CCDC178: variants seen among roughly 807,000 people sequenced by gnomAD.
CCDC178 encodes the protein coiled-coil domain-containing protein 178.
A neutral mutation model predicts 117.4 loss-of-function variants in CCDC178; 126 were observed. The observed-to-expected ratio is 1.07, with a 90% CI of 0.93 to 1.24. CCDC178 has a LOEUF of 1.24. Among genes scored for constraint, CCDC178 ranks in the 50% most tolerant of loss-of-function variants. The pLI, the probability that CCDC178 is intolerant of heterozygous loss-of-function variation, is 0.00. For synonymous variants in CCDC178, 283 were observed against 313.4 expected, an observed-to-expected ratio of 0.90 and a Z score of 1.02; for missense variants, 1,030 against 986.9, an observed-to-expected ratio of 1.04 and a Z score of -0.59.
chr18:33,313,174 T>C (rs2062365786), intron 11 of CCDC178, among the ~76,000 whole-genome samples: 1 of 152,200 alleles, frequency 6.6e-6, no homozygotes, highest in African/African-American at 2.4e-5. Flanking sequence ...TATTCCATCT[T>C]ACATGCACAT....
intron 20 of CCDC178, among the ~76,000 whole-genome samples, chr18:33,165,107 T>C (rs1030737198): frequency 3.9e-5 from 6 of 152,232 alleles, no homozygotes; most frequent in Non-Finnish European, 8.8e-5. Context: ...ACAATACTTT[T>C]GATACACTTG....
intron 21 of CCDC178, among the ~76,000 whole-genome samples, chr18:32,996,005 C>G (rs897597357): frequency 6.6e-6 from 1 of 151,428 alleles, no homozygotes; most frequent in Non-Finnish European, 1.5e-5. Flanking sequence ...CCCTAAGTGA[C>G]TCATGAAAAT....
In CCDC178 at chr18:33,261,779, C is replaced by T. The variant is rs114553007; in HGVS notation, c.1409+5137G>A. On this transcript the variant is annotated intron_variant, in intron 14 of 22. Transcript: ENST00000383096. Reference sequence around the variant, plus strand: ...AATTACATTAGGAGTTTAGTTACAACTGCAGTAAGACTTTTAATTTATTTG... The same window carrying T: ...AATTACATTAGGAGTTTAGTTACAATTGCAGTAAGACTTTTAATTTATTTG... 4.7e-3 allele frequency among the ~76,000 whole-genome samples: 716 copies of T among 152,178 alleles called. 4 individuals are homozygous for T. Among genetic ancestry groups the T allele is most frequent in the African/African-American group, 0.016 (684 of 41,540 alleles).
chr18:33,182,900 G>A (rs1003030910), intron 20 of CCDC178, among the ~76,000 whole-genome samples: 1 of 151,944 alleles, frequency 6.6e-6, no homozygotes, highest in Non-Finnish European at 1.5e-5. Flanking sequence ...TCTTAAGTAA[G>A]AGGAGCTAAT....
intron 20 of CCDC178, among the ~76,000 whole-genome samples, chr18:33,209,260 GA>G (rs1568057433): frequency 2.0e-5 from 3 of 152,088 alleles, no homozygotes; most frequent in Admixed American, 6.6e-5. Flanking sequence ...GCCTACTGAA[GA>G]GAGATCAAAT....
intron 14 of CCDC178, among the ~76,000 whole-genome samples, chr18:33,247,524 G>A (rs2059565514): frequency 6.6e-6 from 1 of 151,806 alleles, no homozygotes; most frequent in Non-Finnish European, 1.5e-5. Flanking sequence ...GGATTAATAG[G>A]AAGGAATGAA....
At chr18:33,011,994 C>T (rs2055881526) in intron 21 of CCDC178, among the ~76,000 whole-genome samples, 1 of 151,948 alleles carries the variant, frequency 6.6e-6, no homozygotes, top group African/African-American at 2.4e-5. Context: ...ACATGATTAA[C>T]TTGGGCATGA....
chr18:33,212,455 C>T (rs2059119817), intron 19 of CCDC178, among the ~76,000 whole-genome samples: 1 of 151,856 alleles, frequency 6.6e-6, no homozygotes, highest in African/African-American at 2.4e-5. Flanking sequence ...GAGCTCATAC[C>T]CACTAAATGT....
chr18:33,193,178 G>C (rs1370275819), intron 20 of CCDC178, among the ~76,000 whole-genome samples: 1 of 140,602 alleles, frequency 7.1e-6, no homozygotes, highest in Non-Finnish European at 1.5e-5. Flanking sequence ...CAGGAGAATG[G>C]CGTGAACCCG....
chr18:32,971,577 T>C (rs968402811), intron 22 of CCDC178, among the ~76,000 whole-genome samples: 1 of 152,196 alleles, frequency 6.6e-6, no homozygotes, highest in African/African-American at 2.4e-5. Context: ...TTTCCAGTTC[T>C]AGATCCTTGA....
intron 20 of CCDC178, among the ~76,000 whole-genome samples, chr18:33,210,883 T>G (rs2059099086): frequency 6.6e-6 from 1 of 152,054 alleles, no homozygotes. Context: ...GCATTGTTAT[T>G]AACAAAGTAT....
intron 20 of CCDC178, among the ~76,000 whole-genome samples, chr18:33,172,028 A>T (rs1420315170): frequency 6.6e-6 from 1 of 152,150 alleles, no homozygotes; most frequent in Non-Finnish European, 1.5e-5. Context: ...CTCCTGCCTC[A>T]GCCTCCTGAG....
intron 21 of CCDC178, among the ~76,000 whole-genome samples, chr18:33,058,611 T>C (rs558100009): frequency 1.1e-4 from 16 of 152,238 alleles, no homozygotes; most frequent in African/African-American, 2.9e-4. Context: ...TGGAAATAAG[T>C]CTCAAGGCAC....
intron 14 of CCDC178, among the ~76,000 whole-genome samples, chr18:33,259,672 C>T (rs2059719138): frequency 6.6e-6 from 1 of 152,088 alleles, no homozygotes; most frequent in South Asian, 2.1e-4. Flanking sequence ...CAGTCCCTCT[C>T]CCAACATGTG....
At chr18:33,193,552 A>AT (rs564919716) in intron 20 of CCDC178, among the ~76,000 whole-genome samples, 104 of 152,266 alleles carry the variant, frequency 6.8e-4, no homozygotes, top group Middle Eastern at 3.4e-3. Context: ...ACATTGCAAC[A>AT]TTTTTTATAT....
chr18:33,186,108 T>A (rs1406843784), intron 20 of CCDC178, among the ~76,000 whole-genome samples: 1 of 152,092 alleles, frequency 6.6e-6, no homozygotes, highest in Non-Finnish European at 1.5e-5. Context: ...GTTAGATACA[T>A]ATGATGTAGT....
At chr18:33,165,083 T>C (rs1354455441) in intron 20 of CCDC178, among the ~76,000 whole-genome samples, 1 of 152,210 alleles carries the variant, frequency 6.6e-6, no homozygotes, top group East Asian at 1.9e-4. Context: ...GACGTCAAGC[T>C]CTCAATAGCA....
chr18:33,359,218 G>A (rs1045244019), intron 6 of CCDC178, among the ~76,000 whole-genome samples: 1 of 151,664 alleles, frequency 6.6e-6, no homozygotes, highest in Non-Finnish European at 1.5e-5. Flanking sequence ...GTCTCAGCTT[G>A]ATCTTTATAG....
In CCDC178 at chr18:33,440,011, A is replaced by T. The variant is rs1380233086; in HGVS notation, c.-72T>A. The T allele has an allele frequency of 6.6e-6, 1 of 152,182 alleles. No individual in the cohort carries two copies. Among genetic ancestry groups the T allele is most frequent in the Non-Finnish European group, 1.5e-5 (1 of 68,040 alleles). 9.4% of individuals were successfully genotyped at this position (152,182 alleles called of 1,614,324 possible). On this transcript the variant is annotated 5_prime_UTR_variant, in exon 2 of 23. Coordinates refer to ENST00000383096, the MANE Select transcript of CCDC178 (RefSeq NM_001105528.4). ...GATCATCTTATTTGGGGTGCTTTCG[A>T]GCAAGCAAGTATAAAATTCTCAGCC...
Sources: gnomAD v4.1 joint callset for allele counts (sites outside exome capture counted in the v4.1 genomes callset) on GRCh38, gnomAD v4.1.1 for gene constraint, MANE v1.5 for transcripts, NCBI Gene and HGNC (gene_info 2026-07-23, HGNC 2026-07-21) for gene names.